The following TMEM221 variants were observed in gnomAD, a reference collection of about 807,000 sequenced individuals.
The protein encoded by TMEM221 is transmembrane protein 221, also known as Putative transmembrane protein ENSP00000342162.
In TMEM221, 11 loss-of-function variants were observed where a neutral mutation model predicts 10.2. The observed-to-expected ratio is 1.08, with a 90% confidence interval of 0.68 to 1.79. The LOEUF is 1.79. Among genes scored for constraint, TMEM221 ranks in the 40% most tolerant of loss-of-function variants. TMEM221 has a pLI of 0.00. For synonymous variants in TMEM221, 172 were observed against 199.8 expected, an observed-to-expected ratio of 0.86 and a Z score of 1.18; for missense variants, 382 against 417.7, an observed-to-expected ratio of 0.91 and a Z score of 0.75.
At chr19:17,440,030 A>G (rs944999878) in intron 2 of TMEM221, among the ~76,000 whole-genome samples, 4 of 152,048 alleles carry the variant, frequency 2.6e-5, no homozygotes, top group Admixed American at 6.6e-5. Flanking sequence ...CCTACAAAAA[A>G]TAAGAAACTA....
Position 17,436,783 on chromosome 19 carries a change from T to G in TMEM221, c.551A>C (p.His184Pro), listed in dbSNP as rs2074910899. 6.6e-7 allele frequency: 1 copy of G among 1,519,654 alleles called. No individual in the cohort carries two copies. Among genetic ancestry groups the G allele is most frequent in the Non-Finnish European group, 8.8e-7 (1 of 1,136,470 alleles). 94.1% of individuals were successfully genotyped at this position (1,519,654 alleles called of 1,614,324 possible). The change falls in exon 3 of 3, where the codon CAT becomes CCT. Residue 184 changes from histidine to proline, a missense_variant. By Grantham distance (77) the His-to-Pro change is moderately conservative. Coordinates refer to ENST00000341130, the MANE Select transcript of TMEM221 (RefSeq NM_001190844.2). ...RAARAARRGL[H>P]ELSPPSFEDD... is the part of the protein sequence containing the mutation. ...TTCAAAGGATGGCGGGGACAACTCA[T>G]GGAGCCCACGGCGGGCAGCCCGGGC...
intron 2 of TMEM221, among the ~76,000 whole-genome samples, chr19:17,439,994 G>C (rs1056587769): frequency 2.0e-5 from 3 of 152,068 alleles, no homozygotes; most frequent in Non-Finnish European, 4.4e-5. Context: ...TTCGACGCCA[G>C]CTCAGGTGAC....
rs189364946 is a variant in TMEM221, at chr19:17,436,719, G to A, written c.615C>T (p.Ser205=). ...TACCCTGCTGAGGCTGAGCTCTGGGGCTGGCCTTGGAGACTTCGGCAGGGC... is the reference window on the plus strand; with the variant it reads ...TACCCTGCTGAGGCTGAGCTCTGGGACTGGCCTTGGAGACTTCGGCAGGGC... ...LARPAEVSKA[S]PRAQPQQGIH... The change falls in exon 3 of 3, where the codon AGC becomes AGT. Residue 205 remains serine, a synonymous_variant. Transcript: ENST00000341130. 6.5e-6 allele frequency: 10 copies of A among 1,532,108 alleles called. No homozygotes were observed. In the African/African-American group the frequency reaches 1.4e-4, roughly 21 times the overall value. The allele number at this position is 1,532,108 out of a possible 1,614,324, so 94.9% of individuals were successfully genotyped here. A position where few individuals can be genotyped will look rare whatever the true frequency, so the allele number is the denominator to read the frequency against.
intron 2 of TMEM221, 78 bp downstream of exon 2, chr19:17,445,121 T>A (rs376944621): frequency 5.3e-6 from 7 of 1,315,932 alleles, no homozygotes; most frequent in Middle Eastern, 3.6e-4. Context: ...GTCTGCAGAG[T>A]TGATCCCAGT....
At chr19:17,443,429 G>T (rs1362636531) in intron 2 of TMEM221, among the ~76,000 whole-genome samples, 1 of 151,826 alleles carries the variant, frequency 6.6e-6, no homozygotes, top group Non-Finnish European at 1.5e-5. Context: ...AGGTTCAAGT[G>T]ATTCTCCCAC....
At position 17,448,603 on chromosome 19, in the gene TMEM221, T is replaced by G. The variant is rs954766794; in HGVS notation, c.-141A>C. The G allele has an allele frequency of 2.0e-5, 10 of 506,226 alleles. No individual in the cohort carries two copies. Among genetic ancestry groups the G allele is most frequent in the East Asian group, 8.3e-5 (2 of 24,220 alleles). The allele number at this position is 506,226 out of a possible 1,614,324, so 31.4% of individuals were successfully genotyped here. Reference sequence around the variant, plus strand: ...AGGGAGTGTCTGAAAGTTCGGGGACTGGGCTGGGGGTCGCCAGACGGACGG... The same window carrying G: ...AGGGAGTGTCTGAAAGTTCGGGGACGGGGCTGGGGGTCGCCAGACGGACGG... On this transcript the variant is annotated 5_prime_UTR_variant, in exon 1 of 3. Transcript: ENST00000341130. The surrounding 1 kb of genome is among the most constrained non-coding windows in gnomAD (Gnocchi z 4.7).
At chr19:17,437,038 G>A in intron 2 of TMEM221, 111 bp from the exon 3 acceptor site, 1 of 749,776 alleles carries the variant, frequency 1.3e-6, no homozygotes, top group Non-Finnish European at 2.0e-6. Context: ...CCACATGACA[G>A]GCACATAGAA....
At position 17,448,100 on chromosome 19, in the gene TMEM221, GC is replaced by G. The variant is rs972018424; in HGVS notation, c.320+42del. 1.7e-4 allele frequency: 228 copies of G among 1,308,950 alleles called. No individual in the cohort carries two copies. The highest frequency in any genetic ancestry group is 2.1e-4 in the Non-Finnish European group (220 of 1,028,162). 81.1% of individuals were successfully genotyped at this position (1,308,950 alleles called of 1,614,324 possible). A position where few individuals can be genotyped will look rare whatever the true frequency, so the allele number is the denominator to read the frequency against. On this transcript the variant is annotated intron_variant, in intron 1 of 2. Coordinates refer to ENST00000341130, the MANE Select transcript of TMEM221 (RefSeq NM_001190844.2). The surrounding 1 kb of genome is among the most constrained non-coding windows in gnomAD (Gnocchi z 4.7). ...GAAGAGGCTCAACCAGGCTCACCCA[GC>G]CCCCAGCCGGGCCTCCGAGGCGGTG... is the stretch of plus-strand genomic sequence containing the variant.
chr19:17,448,147 TG>T lies in TMEM221; in HGVS notation c.315del (p.Arg106GlyfsTer29). ...LGAELARGPG[P>X]RRSDWFLYDC... ...CGGTGAGGCCAGTCCTCCTACCTCCTGGGGCCAGGCCCCCGCGCCAGCTCGG... is the reference window on the plus strand; with the variant it reads ...CGGTGAGGCCAGTCCTCCTACCTCCTGGGCCAGGCCCCCGCGCCAGCTCGG... On this transcript the variant is annotated frameshift_variant, in exon 1 of 3. Coordinates refer to ENST00000341130, the MANE Select transcript of TMEM221 (RefSeq NM_001190844.2). LOFTEE classifies it high-confidence loss of function. The surrounding 1 kb of genome is among the most constrained non-coding windows in gnomAD (Gnocchi z 4.7). The T allele has an allele frequency of 7.1e-7, 1 of 1,403,814 alleles. No homozygotes were observed. The highest frequency in any genetic ancestry group is 9.2e-7 in the Non-Finnish European group (1 of 1,083,406). The allele number at this position is 1,403,814 out of a possible 1,614,324, so 87.0% of individuals were successfully genotyped here.
chr19:17,441,166 C>A (rs1018183728), intron 2 of TMEM221, among the ~76,000 whole-genome samples: 1 of 146,790 alleles, frequency 6.8e-6, no homozygotes, highest in Non-Finnish European at 1.5e-5. Context: ...TGGGATCACT[C>A]TACTGCACTT....
At chr19:17,441,295 A>T (rs928331041) in intron 2 of TMEM221, among the ~76,000 whole-genome samples, 3 of 151,574 alleles carry the variant, frequency 2.0e-5, no homozygotes, top group Admixed American at 6.6e-5. Context: ...AGTTGGCACC[A>T]TTCTTAGTGG....
chr19:17,441,211 G>GA (rs569733675), intron 2 of TMEM221, among the ~76,000 whole-genome samples: 6,591 of 51,642 alleles, frequency 0.13, 428 homozygotes, highest in African/African-American at 0.27. Flanking sequence ...CCATCTCAGA[G>GA]AAAAAAAAAA....
At chr19:17,439,534 A>G (rs1259368068) in intron 2 of TMEM221, among the ~76,000 whole-genome samples, 2 of 151,788 alleles carry the variant, frequency 1.3e-5, no homozygotes, top group African/African-American at 2.4e-5. Flanking sequence ...CCAAAAATAT[A>G]AAAAGTAGCC....
intron 1 of TMEM221, among the ~76,000 whole-genome samples, chr19:17,446,706 A>G (rs1245353630): frequency 1.3e-5 from 2 of 151,838 alleles, no homozygotes; most frequent in East Asian, 1.9e-4. Context: ...CCTTCTCAGC[A>G]CTCATTACCA....
chr19:17,444,213 T>C (rs2074943368), intron 2 of TMEM221, among the ~76,000 whole-genome samples: 1 of 151,284 alleles, frequency 6.6e-6, no homozygotes, highest in Non-Finnish European at 1.5e-5. Context: ...CCTGAGTGGC[T>C]GATATTATAG....
chr19:17,443,517 G>A (rs2074940057), intron 2 of TMEM221, among the ~76,000 whole-genome samples: 1 of 151,564 alleles, frequency 6.6e-6, no homozygotes, highest in Non-Finnish European at 1.5e-5. Context: ...TAATGGTGGG[G>A]TGGGGGGGCG....
intron 2 of TMEM221, among the ~76,000 whole-genome samples, chr19:17,441,323 T>A (rs2074931063): frequency 6.6e-6 from 1 of 151,940 alleles, no homozygotes; most frequent in African/African-American, 2.4e-5. Context: ...TCGTAGGACG[T>A]TTAGCAGCTT....
intron 2 of TMEM221, among the ~76,000 whole-genome samples, chr19:17,439,189 A>G (rs1001900199): frequency 6.9e-6 from 1 of 144,742 alleles, no homozygotes; most frequent in African/African-American, 2.5e-5. Context: ...CCTGGGTGAC[A>G]GAGCGAGACT....
At position 17,437,278 on chromosome 19, in the gene TMEM221, C is replaced by T. The variant is rs112625791; in HGVS notation, c.407-351G>A. ...GAGACTAATTTCAGCAGCTGTGGGCCAGGGCTTCCCTGAGGAGGAGCTATT... is the reference window on the plus strand; with the variant it reads ...GAGACTAATTTCAGCAGCTGTGGGCTAGGGCTTCCCTGAGGAGGAGCTATT... On this transcript the variant is annotated intron_variant, in intron 2 of 2. Transcript: ENST00000341130. Among the ~76,000 whole-genome samples, 509 of 152,304 alleles carry T rather than the reference C, an allele frequency of 3.3e-3. 2 individuals are homozygous for T. The highest frequency in any genetic ancestry group is 0.012 in the African/African-American group (496 of 41,562).
Sources: gnomAD v4.1 joint callset for allele counts (sites outside exome capture counted in the v4.1 genomes callset) on GRCh38, gnomAD v4.1.1 for gene constraint, Gnocchi (gnomAD v3.1) non-coding constraint, MANE v1.5 for transcripts, NCBI Gene and HGNC (gene_info 2026-07-23, HGNC 2026-07-21) for gene names.